Variants in MAPK6 observed in about 807,000 individuals in gnomAD.
MAPK6 encodes ERK-3.
In MAPK6, 19 loss-of-function variants were observed where a neutral mutation model predicts 59.3. The ratio of observed to expected loss-of-function variants is 0.32; its 90% CI spans 0.22 to 0.47. The LOEUF is 0.47. MAPK6 is among the 20% of genes least tolerant of loss of function. The pLI is 1.00. For missense variants in MAPK6, 724 were observed against 847.9 expected (o/e 0.85, Z 1.81); for synonymous variants, 316 against 290.3 (o/e 1.09, Z -0.90).
rs2141139231 is a variant in MAPK6, at chr15:52,065,036, G to GAAATGTGTTTTGTCTT, written c.*37_*52dup. On this transcript the variant is annotated 3_prime_UTR_variant, in exon 6 of 6. Coordinates refer to ENST00000261845, the MANE Select transcript of MAPK6 (RefSeq NM_002748.4). ...AGACATTTATCTTTGTATTCTTCAT[G>GAAATGTGTTTTGTCTT]AAATGTGTTTTGTCTTTTTTTATTA... 1 of 1,523,862 alleles carries GAAATGTGTTTTGTCTT rather than the reference G, an allele frequency of 6.6e-7. No individual in the cohort carries two copies. The highest frequency in any genetic ancestry group is 8.8e-7 in the Non-Finnish European group (1 of 1,133,388). The allele number at this position is 1,523,862 out of a possible 1,614,324, so 94.4% of individuals were successfully genotyped here. A position where few individuals can be genotyped will look rare whatever the true frequency, so the allele number is the denominator to read the frequency against.
chr15:52,019,681 C>T (rs1296011291), intron 1 of MAPK6, among the ~76,000 whole-genome samples: 1 of 148,386 alleles, frequency 6.7e-6, no homozygotes, highest in East Asian at 2.0e-4. Context: ...TCCCACCCGG[C>T]ACGCCCCTCG....
chr15:52,053,054 G>C (rs2031833203), intron 3 of MAPK6, among the ~76,000 whole-genome samples: 1 of 148,570 alleles, frequency 6.7e-6, no homozygotes, highest in Admixed American at 6.7e-5. Context: ...CGGGTATGAA[G>C]TAGTATCTCA....
chr15:52,012,047 T>C (rs967749867), intron 3 of MAPK6, among the ~76,000 whole-genome samples: 1 of 152,196 alleles, frequency 6.6e-6, no homozygotes, highest in Non-Finnish European at 1.5e-5. Context: ...AGGGAAGTCC[T>C]GTCCACTGTG....
upstream of MAPK6, chr15:52,017,662 T>A (rs2030312974): frequency 6.6e-6 from 1 of 152,256 alleles, no homozygotes; most frequent in African/African-American, 2.4e-5. Context: ...AACTTTGCAT[T>A]ATCCACAGGA....
At chr15:52,000,756 C>T (rs1040296334) in intron 2 of MAPK6, among the ~76,000 whole-genome samples, 4 of 151,626 alleles carry the variant, frequency 2.6e-5, no homozygotes, top group Non-Finnish European at 4.4e-5. Flanking sequence ...GCCGAGATCA[C>T]GCCACTGCAC....
At chr15:52,061,609 T>A (rs2032203121) in intron 5 of MAPK6, 109 bp downstream of exon 5, 1 of 859,230 alleles carries the variant, frequency 1.2e-6, no homozygotes, top group African/African-American at 1.7e-5. Flanking sequence ...TCTTAAAAAT[T>A]TAGTAATGTA....
upstream of MAPK6, among the ~76,000 whole-genome samples, chr15:52,016,070 G>GCGCGCAAACACACA: frequency 1.1e-4 from 6 of 55,392 alleles, no homozygotes; most frequent in African/African-American, 4.2e-4. Flanking sequence ...GCGCGCGCGC[G>GCGCGCAAACACACA]CACACACACA....
chr15:51,978,774 CACA>C (rs1432592429), intron 1 of MAPK6, among the ~76,000 whole-genome samples: 1 of 151,692 alleles, frequency 6.6e-6, no homozygotes, highest in African/African-American at 2.4e-5. Flanking sequence ...ATTCCATTTT[CACA>C]ACAACCCTAT....
chr15:52,063,380 C>T (rs2032280958), intron 5 of MAPK6, among the ~76,000 whole-genome samples: 1 of 152,184 alleles, frequency 6.6e-6, no homozygotes, highest in African/African-American at 2.4e-5. Flanking sequence ...TTCTATTTTA[C>T]CTAGCTAAGT....
intron 3 of MAPK6, among the ~76,000 whole-genome samples, chr15:52,057,904 A>AAT (rs1486831365): frequency 6.6e-6 from 1 of 152,224 alleles, no homozygotes; most frequent in Non-Finnish European, 1.5e-5. Flanking sequence ...ACAAGATTGT[A>AAT]AGATCCATGA....
intron 3 of MAPK6, chr15:52,057,241 G>A (rs74013657): frequency 0.023 from 3,524 of 151,556 alleles, 100 homozygotes; most frequent in East Asian, 0.077. Context: ...TTACCACATC[G>A]CAGCCAGGGT....
At chr15:51,982,054 A>T (rs1333165778) in intron 1 of MAPK6, among the ~76,000 whole-genome samples, 1 of 152,236 alleles carries the variant, frequency 6.6e-6, no homozygotes, top group African/African-American at 2.4e-5. Flanking sequence ...ACAAACACAG[A>T]GACAGAGAGA....
rs2032324694 is a variant in MAPK6 at position 52,064,298 on chromosome 15, T to C, written c.1464T>C (p.Asp488=). The change falls in exon 6 of 6, where the codon GAT becomes GAC. Residue 488 remains aspartate (D), a synonymous_variant. Transcript: ENST00000261845. The stretch of plus-strand genomic sequence containing the variant: ...AAGAACAAAGCAAAGAAAAATCTGA[T>C]AAGAAAGGCAAATCAAAATGTGAAA... ...NWKEQSKEKS[D]KKGKSKCERN... The C allele has an allele frequency of 4.3e-6, 7 of 1,610,038 alleles. No homozygotes were observed. The highest frequency in any genetic ancestry group is 5.1e-6 in the Non-Finnish European group (6 of 1,178,984).
intron 1 of MAPK6, among the ~76,000 whole-genome samples, chr15:52,022,355 G>A (rs1388423139): frequency 1.3e-5 from 2 of 152,118 alleles, no homozygotes; most frequent in Non-Finnish European, 2.9e-5. Flanking sequence ...CTACTTCCCG[G>A]GCTCAGGTGA....
intron 2 of MAPK6, among the ~76,000 whole-genome samples, chr15:51,995,927 C>CA (rs11449755): frequency 0.25 from 37,332 of 149,150 alleles, 7,066 homozygotes; most frequent in East Asian, 0.51. Flanking sequence ...GATTCCGTTT[C>CA]AAAAAAAAAG....
Position 52,063,966 on chromosome 15 carries a change from G to A in MAPK6, c.1132G>A (p.Val378Ile). 6.2e-7 allele frequency: 1 copy of A among 1,609,198 alleles called. No homozygotes were observed. The highest frequency in any genetic ancestry group is 8.5e-7 in the Non-Finnish European group (1 of 1,177,682). ...PVHNNFDIDEVQLDPRALSDV... is the reference protein window; with the variant it reads ...PVHNNFDIDEIQLDPRALSDV... ...ACATAACAACTTTGATATTGATGAA[G>A]TTCAGCTTGATCCAAGAGCTCTGTC... The change falls in exon 6 of 6, where the codon GTT becomes ATT. Residue 378 changes from valine to isoleucine, a missense_variant. Around this residue, in one of 4 missense-constraint regions of MAPK6, gnomAD observed 502 missense variants for 507.6 expected, o/e 0.99. Transcript: ENST00000261845.
At chr15:52,024,818 A>T (rs1301576881) in intron 1 of MAPK6, 1 of 147,870 alleles carries the variant, frequency 6.8e-6, no homozygotes, top group Non-Finnish European at 1.5e-5. Context: ...GAACTCCTGG[A>T]CTCAAGTAAT....
In MAPK6 at chr15:51,998,504, C is replaced by CTTTT. The variant is rs368179816; in HGVS notation, c.-769-5749_-769-5746dup. Among the ~76,000 whole-genome samples, 76 of 128,530 alleles carry CTTTT rather than the reference C, an allele frequency of 5.9e-4. 6 individuals are homozygous for CTTTT. The highest frequency in any genetic ancestry group is 1.5e-3 in the Admixed American group (19 of 12,512). 84.3% of individuals were successfully genotyped at this position (128,530 alleles called of 152,430 possible). ...ACAGGCATGAGCCACCGCACCTGGC[C>CTTTT]TTTTTTTTTTTTTTTCTCCCCTCTC... On this transcript the variant is annotated intron_variant, in intron 2 of 7. Coordinates refer to the MAPK6 transcript ENST00000691380.
intron 1 of MAPK6, among the ~76,000 whole-genome samples, chr15:51,980,440 A>G (rs946754345): frequency 2.0e-5 from 3 of 150,120 alleles, no homozygotes; most frequent in Non-Finnish European, 3.0e-5. Flanking sequence ...ATAAGCAGGA[A>G]AAAACCTTTG....
Sources: gnomAD v4.1 joint callset for allele counts (sites outside exome capture counted in the v4.1 genomes callset) on GRCh38, gnomAD v4.1.1 for gene constraint, gnomAD v4.1.1 regional missense constraint, MANE v1.5 for transcripts, NCBI Gene and HGNC (gene_info 2026-07-23, HGNC 2026-07-21) for gene names.